CACNA1S: variants seen among roughly 807,000 people sequenced by gnomAD.
CACNA1S encodes voltage-dependent L-type calcium channel subunit alpha-1S.
CACNA1S carries 126 observed loss-of-function variants against 207.4 expected under a neutral mutation model. That is an observed-to-expected ratio of 0.61 (90% CI 0.53 to 0.70). CACNA1S has a LOEUF of 0.70. Among genes scored for constraint, CACNA1S ranks in the 30% least tolerant of loss-of-function variants. The probability of loss-of-function intolerance (pLI) is 0.00; values close to 1 mark genes in which losing one functional copy is unlikely to be tolerated. For missense variants in CACNA1S, 2,349 were observed against 2,422.8 expected, an observed-to-expected ratio of 0.97 and a Z score of 0.64; for synonymous variants, 960 against 932.7, an observed-to-expected ratio of 1.03 and a Z score of -0.53.
chr1:201,048,079 C>A (rs1161118728), intron 36 of CACNA1S, among the ~76,000 whole-genome samples: 2 of 152,218 alleles, frequency 1.3e-5, no homozygotes, highest in East Asian at 3.9e-4. Context: ...GGGGATGGAC[C>A]TGATACAGCT....
At chr1:201,065,357 T>C (rs1022694387) in intron 22 of CACNA1S, among the ~76,000 whole-genome samples, 16 of 152,244 alleles carry the variant, frequency 1.1e-4, no homozygotes. Flanking sequence ...CATTGAAAGA[T>C]GGCTGTCTCT....
intron 28 of CACNA1S, among the ~76,000 whole-genome samples, chr1:201,054,991 C>T (rs1340676817): frequency 1.3e-5 from 2 of 152,124 alleles, no homozygotes; most frequent in Non-Finnish European, 2.9e-5. Context: ...GGTCCGGGCC[C>T]CTGTGGAAGT....
intron 28 of CACNA1S, among the ~76,000 whole-genome samples, chr1:201,057,376 A>C (rs1428536981): frequency 6.6e-6 from 1 of 152,218 alleles, no homozygotes; most frequent in Non-Finnish European, 1.5e-5. Context: ...CTCCAGTGTC[A>C]TATGGACACC....
intron 28 of CACNA1S, among the ~76,000 whole-genome samples, chr1:201,058,114 AC>A (rs1660910436): frequency 6.6e-6 from 1 of 151,846 alleles, no homozygotes; most frequent in Admixed American, 6.6e-5. Context: ...AGATGGCACC[AC>A]CTCCATGAAG....
chr1:201,080,950 G>A (rs534133228), intron 10 of CACNA1S, among the ~76,000 whole-genome samples: 2 of 152,320 alleles, frequency 1.3e-5, no homozygotes, highest in Non-Finnish European at 2.9e-5. Flanking sequence ...ATGAGAGGTA[G>A]TGTATATTGG....
intron 9 of CACNA1S, among the ~76,000 whole-genome samples, chr1:201,083,655 A>G (rs1402413636): frequency 6.6e-6 from 1 of 152,218 alleles, no homozygotes; most frequent in Non-Finnish European, 1.5e-5. Flanking sequence ...CCCCTTATCA[A>G]AGGCCACTCT....
chr1:201,044,295 A>G, intron 39 of CACNA1S, 33 bp downstream of exon 39: 1 of 1,611,632 alleles, frequency 6.2e-7, no homozygotes, highest in Non-Finnish European at 8.5e-7. Flanking sequence ...CATGGTGTCT[A>G]GACCACTAGG....
At position 201,040,266 on chromosome 1, in the gene CACNA1S, AC is replaced by A. The variant is rs754423041; in HGVS notation, c.5334del (p.Arg1778SerfsTer10). ...AGCAGGGCTGTAGCTGGTGCTGAGC[AC>A]CTGGAAGTATTCTCCCTGGTGCTCC... ...HSRSTRENTS[R>X]CSAPATALLI... On this transcript the variant is annotated frameshift_variant, in exon 43 of 44. Transcript: ENST00000362061. LOFTEE classifies it low-confidence loss of function (END_TRUNC). 1 of 1,613,830 alleles carries A rather than the reference AC, an allele frequency of 6.2e-7. No homozygotes were observed. The highest frequency in any genetic ancestry group is 1.1e-5 in the South Asian group (1 of 91,054).
chr1:201,089,238 A>T lies in CACNA1S; in HGVS notation c.900+20T>A. 6.2e-7 allele frequency: 1 copy of T among 1,610,112 alleles called. No homozygotes were observed. Among genetic ancestry groups the T allele is most frequent in the Non-Finnish European group, 8.5e-7 (1 of 1,176,296 alleles). ...TGTGGATGAAGGGAGATGGTTCTGC[A>T]GGCGCGGGCCCAGACCCACCCAGTA... On this transcript the variant is annotated intron_variant, in intron 6 of 43. Coordinates refer to ENST00000362061, the MANE Select transcript of CACNA1S (RefSeq NM_000069.3).
At chr1:201,060,967 TG>T (rs1290769255) in intron 25 of CACNA1S, 151 bp from the exon 26 acceptor site, 8 of 1,006,924 alleles carry the variant, frequency 7.9e-6, no homozygotes, top group Middle Eastern at 3.0e-4. Flanking sequence ...ATAATCCTGT[TG>T]GGCTTTGGGT....
At chr1:201,047,661 A>C in intron 36 of CACNA1S, 35 bp from the exon 37 acceptor site, 1 of 1,408,930 alleles carries the variant, frequency 7.1e-7, no homozygotes, top group Non-Finnish European at 1.0e-6. Context: ...TACCCAGATC[A>C]CACCAACTGC....
intron 14 of CACNA1S, 59 bp downstream of exon 14, chr1:201,074,427 AGGGAGGCCCTGTCCAGAGCT>A: frequency 1.2e-6 from 1 of 856,890 alleles, no homozygotes; most frequent in Non-Finnish European, 2.0e-6. Context: ...ATTGGGTTAC[AGGGAGGCCCTGTCCAGAGCT>A]GGAAGGCCAT....
intron 12 of CACNA1S, 59 bp downstream of exon 12, chr1:201,076,861 G>C: frequency 1.3e-6 from 2 of 1,481,976 alleles, no homozygotes; most frequent in Non-Finnish European, 1.9e-6. Context: ...GATCTTGAAG[G>C]ACAAGAAGCA....
chr1:201,060,675 TG>T lies in CACNA1S; in HGVS notation c.3396del (p.Ile1133SerfsTer14). 1 of 1,614,116 alleles carries T rather than the reference TG, an allele frequency of 6.2e-7. No homozygotes were observed. Among genetic ancestry groups the T allele is most frequent in the Non-Finnish European group, 8.5e-7 (1 of 1,180,024 alleles). ...GCCCTTACCTGCATGCCGAGGCAGA[TG>T]GTGTTGAGCATGATGAGGGCAAACA... ...YLMFALIMLN[T>X]ICLGMQHYNQ... On this transcript the variant is annotated frameshift_variant, in exon 26 of 44. Transcript: ENST00000362061. LOFTEE classifies it high-confidence loss of function.
chr1:201,084,076 C>T (rs1661948105), intron 9 of CACNA1S, among the ~76,000 whole-genome samples: 1 of 152,156 alleles, frequency 6.6e-6, no homozygotes, highest in African/African-American at 2.4e-5. Context: ...GAAAGTGAAT[C>T]TGCTCCGAAA....
chr1:201,056,422 C>G (rs1242844764), intron 28 of CACNA1S, among the ~76,000 whole-genome samples: 1 of 152,200 alleles, frequency 6.6e-6, no homozygotes, highest in African/African-American at 2.4e-5. Flanking sequence ...TAAGGTTCAC[C>G]CCACAGGCTG....
At chr1:201,080,477 T>C (rs372358318) in intron 10 of CACNA1S, among the ~76,000 whole-genome samples, 4 of 152,316 alleles carry the variant, frequency 2.6e-5, no homozygotes, top group African/African-American at 4.8e-5. Context: ...CTCGAGAAGA[T>C]TGGTTGAGAT....
chr1:201,074,054 G>A (rs1011026402), intron 14 of CACNA1S, among the ~76,000 whole-genome samples: 1 of 152,166 alleles, frequency 6.6e-6, no homozygotes, highest in African/African-American at 2.4e-5. Flanking sequence ...TCCCATTCCT[G>A]TAGGCATGGG....
chr1:201,075,495 A>C lies in CACNA1S; in HGVS notation c.1948T>G (p.Tyr650Asp), dbSNP rs769305261. 6.2e-7 allele frequency: 1 copy of C among 1,611,396 alleles called. No individual in the cohort carries two copies. Among genetic ancestry groups the C allele is most frequent in the South Asian group, 1.1e-5 (1 of 90,982 alleles). The change falls in exon 13 of 44, where the codon TAC (tyrosine) becomes GAC (aspartate). Residue 650 changes from tyrosine to aspartate, a missense_variant and splice_region_variant. By Grantham distance (160) the Tyr-to-Asp change is radical. Transcript: ENST00000362061. ...YFIILFVCGN[Y>D]ILLNVFLAIA... ...CTGCACCCTGCTCCCGAGAGGATAC[A>C]GTTGCCACAGACGAAAAGGATGATG...
Sources: allele counts gnomAD v4.1 joint callset (sites outside exome capture counted in the v4.1 genomes callset), GRCh38; gene constraint gnomAD v4.1.1; transcripts MANE v1.5; gene names NCBI Gene and HGNC (gene_info 2026-07-23, HGNC 2026-07-21).